Variants in CAB39L observed in about 807,000 individuals in gnomAD.
CAB39L encodes calcium binding protein 39 like, also known as calcium-binding protein 39-like.
A neutral mutation model predicts 39.1 loss-of-function variants in CAB39L; 23 were observed. That is an observed-to-expected ratio of 0.59 (90% CI 0.42 to 0.83). CAB39L has a LOEUF of 0.83. Ranked by LOEUF, CAB39L falls within the 40% of genes least tolerant of loss-of-function variation. CAB39L has a pLI of 0.00. For missense variants in CAB39L, 366 were observed against 391.9 expected, an observed-to-expected ratio of 0.93 and a Z score of 0.56; for synonymous variants, 126 against 137.2, an observed-to-expected ratio of 0.92 and a Z score of 0.57.
intron 3 of CAB39L, among the ~76,000 whole-genome samples, chr13:49,432,623 T>C (rs1957345270): frequency 6.6e-6 from 1 of 152,224 alleles, no homozygotes; most frequent in African/African-American, 2.4e-5. Context: ...AATTATTTGA[T>C]GAATGCATTG....
At chr13:49,330,616 C>T (rs2138388275) in intron 10 of CAB39L, among the ~76,000 whole-genome samples, 1 of 151,752 alleles carries the variant, frequency 6.6e-6, no homozygotes, top group South Asian at 2.1e-4. Flanking sequence ...CAGAGCGAGA[C>T]CCTGTCTCTG....
At chr13:49,414,553 A>T (rs576138727) in intron 3 of CAB39L, among the ~76,000 whole-genome samples, 2 of 152,320 alleles carry the variant, frequency 1.3e-5, no homozygotes, top group East Asian at 3.9e-4. Flanking sequence ...TATTATAGAC[A>T]TATAAAAATA....
chr13:49,436,278 A>G (rs1957411535), intron 1 of CAB39L, among the ~76,000 whole-genome samples: 1 of 152,202 alleles, frequency 6.6e-6, no homozygotes, highest in African/African-American at 2.4e-5. Context: ...CCAGTACACA[A>G]TGAGCCTTTT....
chr13:49,437,011 T>C (rs1034565690), intron 1 of CAB39L, among the ~76,000 whole-genome samples: 4 of 152,198 alleles, frequency 2.6e-5, no homozygotes, highest in African/African-American at 9.7e-5. Flanking sequence ...GCTCAAGTGA[T>C]CCGCCCACCT....
chr13:49,378,542 G>T (rs1449023903), intron 4 of CAB39L, among the ~76,000 whole-genome samples: 3 of 73,456 alleles, frequency 4.1e-5, no homozygotes, highest in Admixed American at 1.0e-4. Flanking sequence ...GAGATGGGGG[G>T]GTCAGCCCCC....
intron 3 of CAB39L, among the ~76,000 whole-genome samples, chr13:49,388,320 T>G (rs1956413447): frequency 6.6e-6 from 1 of 152,120 alleles, no homozygotes; most frequent in South Asian, 2.1e-4. Context: ...TTCGAACGAT[T>G]TTTCTAGTTG....
At chr13:49,338,614 C>CACAATG (rs1566073542) in intron 9 of CAB39L, among the ~76,000 whole-genome samples, 2 of 151,358 alleles carry the variant, frequency 1.3e-5, no homozygotes, top group African/African-American at 4.9e-5. Flanking sequence ...AACTAACCTG[C>CACAATG]ACAATGTGCA....
chr13:49,427,869 T>C (rs757067278), intron 3 of CAB39L, among the ~76,000 whole-genome samples: 6 of 152,206 alleles, frequency 3.9e-5, no homozygotes, highest in Non-Finnish European at 5.9e-5. Flanking sequence ...GGTTCACAGA[T>C]GGCCATCTTT....
At chr13:49,442,993 C>A (rs1957567174) in intron 1 of CAB39L, among the ~76,000 whole-genome samples, 1 of 147,812 alleles carries the variant, frequency 6.8e-6, no homozygotes, top group African/African-American at 2.5e-5. Flanking sequence ...AAATCTACCA[C>A]AAAATATTAG....
chr13:49,381,950 A>G (rs574485474), intron 4 of CAB39L, among the ~76,000 whole-genome samples: 8 of 152,356 alleles, frequency 5.3e-5, no homozygotes, highest in South Asian at 4.1e-4. Flanking sequence ...AAGCAGTTAC[A>G]TCAATGTATA....
chr13:49,376,926 A>C lies in CAB39L; in HGVS notation c.276+41T>G, dbSNP rs538926400. 27 of 1,205,916 alleles carry C rather than the reference A, an allele frequency of 2.2e-5. No individual in the cohort carries two copies. The South Asian group carries it at 2.8e-4, about 13-fold the overall frequency. 74.7% of individuals were successfully genotyped at this position (1,205,916 alleles called of 1,614,324 possible). ...AGATAGATAGATAGATAGATATTAA[A>C]ATTGAAAAGCACCACTGACATCCTT... On this transcript the variant is annotated intron_variant, in intron 5 of 10. Transcript: ENST00000409308.
intron 10 of CAB39L, among the ~76,000 whole-genome samples, chr13:49,316,281 C>A (rs751721966): frequency 3.3e-5 from 5 of 152,104 alleles, no homozygotes; most frequent in Non-Finnish European, 7.4e-5. Context: ...GACTACCCAA[C>A]TGACTCAAGA....
At chr13:49,419,223 C>T (rs1241070685) in intron 3 of CAB39L, among the ~76,000 whole-genome samples, 2 of 152,218 alleles carry the variant, frequency 1.3e-5, no homozygotes, top group African/African-American at 4.8e-5. Flanking sequence ...CCGCCTCGGC[C>T]TCCCAAAGTG....
intron 6 of CAB39L, among the ~76,000 whole-genome samples, chr13:49,356,829 C>T (rs751773262): frequency 5.9e-5 from 9 of 152,000 alleles, no homozygotes; most frequent in Non-Finnish European, 1.2e-4. Context: ...TTTTGGGAGG[C>T]CGAGGCAGGC....
At chr13:49,374,420 T>C (rs1279520458) in intron 5 of CAB39L, among the ~76,000 whole-genome samples, 1 of 152,210 alleles carries the variant, frequency 6.6e-6, no homozygotes, top group East Asian at 1.9e-4. Context: ...AAAATTCAAA[T>C]GTTCAGAAAG....
intron 10 of CAB39L, among the ~76,000 whole-genome samples, chr13:49,324,525 G>A (rs1954443846): frequency 6.6e-6 from 1 of 152,170 alleles, no homozygotes; most frequent in South Asian, 2.1e-4. Flanking sequence ...GTCTGGCAAA[G>A]AGGCACTTTG....
intron 3 of CAB39L, among the ~76,000 whole-genome samples, chr13:49,407,202 C>T (rs1458889426): frequency 4.6e-5 from 7 of 152,060 alleles, no homozygotes; most frequent in Non-Finnish European, 1.0e-4. Flanking sequence ...GCTAAATATG[C>T]AATGATTCTA....
intron 3 of CAB39L, among the ~76,000 whole-genome samples, chr13:49,424,924 G>C (rs940789186): frequency 1.3e-4 from 20 of 152,028 alleles, no homozygotes; most frequent in African/African-American, 4.8e-4. Context: ...TTAAGTTAAT[G>C]GTACTGAGTT....
chr13:49,337,732 G>GCACACACA (rs57089737), intron 9 of CAB39L, among the ~76,000 whole-genome samples: 3 of 144,212 alleles, frequency 2.1e-5, no homozygotes, highest in South Asian at 2.3e-4. Flanking sequence ...CTGCTCTGGC[G>GCACACACA]CACACACACA....
Sources: gnomAD v4.1 joint callset for allele counts (sites outside exome capture counted in the v4.1 genomes callset) on GRCh38, gnomAD v4.1.1 for gene constraint, MANE v1.5 for transcripts, NCBI Gene and HGNC (gene_info 2026-07-23, HGNC 2026-07-21) for gene names.